Variants in GNAQ observed in about 807,000 individuals in gnomAD.
The protein encoded by GNAQ is guanine nucleotide-binding protein G(q) subunit alpha.
GNAQ carries 8 observed loss-of-function variants against 43.9 expected under a neutral mutation model. The ratio of observed to expected loss-of-function variants is 0.18; its 90% CI spans 0.11 to 0.33. The LOEUF is 0.33. GNAQ is among the 10% of genes least tolerant of loss of function. The probability of loss-of-function intolerance (pLI) is 1.00; values close to 1 mark genes in which losing one functional copy is unlikely to be tolerated. For missense variants in GNAQ, 158 were observed against 450.8 expected (o/e 0.35, Z 5.88); for synonymous variants, 155 against 170.7 (o/e 0.91, Z 0.71).
chr9:77,752,591 C>G (rs188758826), intron 5 of GNAQ, among the ~76,000 whole-genome samples: 2 of 152,304 alleles, frequency 1.3e-5, no homozygotes, highest in South Asian at 4.1e-4. Flanking sequence ...TCTGGTGAAG[C>G]CAAGACTAGA....
At chr9:77,948,308 T>C (rs1822930247) in intron 1 of GNAQ, among the ~76,000 whole-genome samples, 10 of 152,188 alleles carry the variant, frequency 6.6e-5, no homozygotes, top group Admixed American at 6.5e-4. Context: ...AAGAATTGCA[T>C]CCAAATCTTG....
chr9:77,791,065 G>A (rs1826563308), intron 5 of GNAQ, among the ~76,000 whole-genome samples: 1 of 152,196 alleles, frequency 6.6e-6, no homozygotes, highest in South Asian at 2.1e-4. Flanking sequence ...CTAGGGTAGG[G>A]AGAACTATCT....
chr9:77,824,110 T>TC (rs1827156431), intron 2 of GNAQ, among the ~76,000 whole-genome samples: 1 of 152,226 alleles, frequency 6.6e-6, no homozygotes, highest in African/African-American at 2.4e-5. Flanking sequence ...GTCCCTAACA[T>TC]CCTTCAGAGA....
intron 2 of GNAQ, among the ~76,000 whole-genome samples, chr9:77,855,153 G>C (rs959878265): frequency 6.6e-6 from 1 of 152,126 alleles, no homozygotes; most frequent in African/African-American, 2.4e-5. Flanking sequence ...TGACATCATA[G>C]TGAATAAATT....
At chr9:77,723,923 A>G (rs1825357968) in intron 6 of GNAQ, among the ~76,000 whole-genome samples, 1 of 152,232 alleles carries the variant, frequency 6.6e-6, no homozygotes, top group Non-Finnish European at 1.5e-5. Flanking sequence ...GGCAAATTTT[A>G]TAATTAAAAA....
intron 2 of GNAQ, among the ~76,000 whole-genome samples, chr9:77,885,828 A>T (rs2118085971): frequency 6.6e-6 from 1 of 152,278 alleles, no homozygotes; most frequent in Admixed American, 6.5e-5. Flanking sequence ...TATTATCAAC[A>T]TGAAAATTTG....
intron 1 of GNAQ, among the ~76,000 whole-genome samples, chr9:77,950,960 T>TA (rs1449267465): frequency 2.6e-5 from 4 of 152,066 alleles, no homozygotes; most frequent in Admixed American, 1.3e-4. Flanking sequence ...CTTTTTAATT[T>TA]AAAAAAAGCT....
intron 2 of GNAQ, among the ~76,000 whole-genome samples, chr9:77,826,167 G>A (rs756397482): frequency 3.3e-5 from 5 of 152,064 alleles, no homozygotes; most frequent in Non-Finnish European, 5.9e-5. Context: ...TTTTATGAAA[G>A]TGAAAAATAT....
chr9:77,754,332 T>C (rs1825864721), intron 5 of GNAQ, among the ~76,000 whole-genome samples: 1 of 152,202 alleles, frequency 6.6e-6, no homozygotes, highest in Non-Finnish European at 1.5e-5. Flanking sequence ...GGCAATACCC[T>C]GTTCACTAGC....
chr9:77,924,361 C>T (rs1226814454), intron 1 of GNAQ, among the ~76,000 whole-genome samples: 1 of 151,712 alleles, frequency 6.6e-6, no homozygotes, highest in East Asian at 1.9e-4. Flanking sequence ...GTATACAAGA[C>T]AAAAAAAATC....
intron 4 of GNAQ, among the ~76,000 whole-genome samples, chr9:77,795,212 G>C (rs988212708): frequency 6.6e-5 from 10 of 152,150 alleles, no homozygotes; most frequent in African/African-American, 2.4e-4. Context: ...TTGAAATAAA[G>C]TGTGAGTGAA....
At position 78,031,325 on chromosome 9, in the gene GNAQ, C is replaced by G. The variant is rs2118633086; in HGVS notation, c.-90G>C. On this transcript the variant is annotated 5_prime_UTR_variant, in exon 1 of 7. Transcript: ENST00000286548. ...TCCCGCCCTCGCTCCCCCGAGGCAG[C>G]GGTGGCCGCCGAGCCCCCGCCGCCC... The G allele has an allele frequency of 9.5e-7, 1 of 1,053,106 alleles. No homozygotes were observed. Among genetic ancestry groups the G allele is most frequent in the Middle Eastern group, 3.8e-4 (1 of 2,608 alleles). The allele number at this position is 1,053,106 out of a possible 1,614,324, so 65.2% of individuals were successfully genotyped here. A position where few individuals can be genotyped will look rare whatever the true frequency, so the allele number is the denominator to read the frequency against.
chr9:77,760,708 G>A (rs1355559465), intron 5 of GNAQ, among the ~76,000 whole-genome samples: 1 of 151,112 alleles, frequency 6.6e-6, no homozygotes, highest in African/African-American at 2.4e-5. Flanking sequence ...TGGCTGCCCA[G>A]TCTGGAAAGT....
At chr9:77,810,607 T>C (rs1192047134) in intron 3 of GNAQ, among the ~76,000 whole-genome samples, 1 of 152,200 alleles carries the variant, frequency 6.6e-6, no homozygotes, top group Non-Finnish European at 1.5e-5. Context: ...GAAAAAAGAC[T>C]TGAATGCCTT....
chr9:77,802,892 C>G (rs1177904039), intron 3 of GNAQ, among the ~76,000 whole-genome samples: 1 of 152,096 alleles, frequency 6.6e-6, no homozygotes, highest in African/African-American at 2.4e-5. Context: ...TGACTTTTCA[C>G]TGTGCTGAGA....
chr9:77,996,864 G>A (rs1038301971), intron 1 of GNAQ, among the ~76,000 whole-genome samples: 1 of 152,050 alleles, frequency 6.6e-6, no homozygotes, highest in African/African-American at 2.4e-5. Flanking sequence ...CAAATAAGCA[G>A]TATCTGCCAC....
chr9:78,029,762 A>G lies in GNAQ; in HGVS notation c.136+1338T>C, dbSNP rs117068326. ...TGAGCCAGCAAATGGAATGCTCAAG[A>G]TAAGAAAGAAAATGCATGCTTCTCA... is the stretch of plus-strand genomic sequence containing the variant. On this transcript the variant is annotated intron_variant, in intron 1 of 6. Coordinates refer to ENST00000286548, the MANE Select transcript of GNAQ (RefSeq NM_002072.5). Among the ~76,000 whole-genome samples, 295 of 152,258 alleles carry G rather than the reference A, an allele frequency of 1.9e-3. 1 individual carries two copies. The East Asian group carries it at 0.027, about 14-fold the overall frequency.
chr9:77,930,003 C>T (rs1328844331), intron 1 of GNAQ, among the ~76,000 whole-genome samples: 1 of 152,152 alleles, frequency 6.6e-6, no homozygotes, highest in Non-Finnish European at 1.5e-5. Flanking sequence ...TGTCATAACA[C>T]ATTTTGAGCA....
At chr9:77,899,281 G>A (rs1355216090) in intron 2 of GNAQ, among the ~76,000 whole-genome samples, 4 of 152,002 alleles carry the variant, frequency 2.6e-5, no homozygotes, top group Non-Finnish European at 5.9e-5. Flanking sequence ...ATTTTTAGTA[G>A]AGATGGGGTT....
Sources: allele counts gnomAD v4.1 joint callset (sites outside exome capture counted in the v4.1 genomes callset), GRCh38; gene constraint gnomAD v4.1.1; transcripts MANE v1.5; gene names NCBI Gene and HGNC (gene_info 2026-07-23, HGNC 2026-07-21).